FARS2: variants seen among roughly 807,000 people sequenced by gnomAD.
FARS2 encodes the protein phenylalanine--tRNA ligase, mitochondrial.
Under a neutral mutation model 46.4 loss-of-function variants are expected in FARS2, and 40 were observed. The ratio of observed to expected loss-of-function variants is 0.86; its 90% CI spans 0.67 to 1.12. The LOEUF (loss-of-function observed/expected upper bound fraction) is 1.12. Among genes scored for constraint, FARS2 ranks in the 50% most tolerant of loss-of-function variants. The pLI is 0.00. For synonymous variants in FARS2, 234 were observed against 214.9 expected (o/e 1.09, Z -0.78); for missense variants, 513 against 567.9 (o/e 0.90, Z 0.98).
chr6:5,308,641 G>A (rs1185631458), intron 1 of FARS2, among the ~76,000 whole-genome samples: 7 of 152,172 alleles, frequency 4.6e-5, no homozygotes, highest in African/African-American at 1.2e-4. Flanking sequence ...CTTATCATGC[G>A]CTGGTATCAG....
chr6:5,595,355 C>CA (rs1422338856), intron 5 of FARS2, among the ~76,000 whole-genome samples: 2 of 152,170 alleles, frequency 1.3e-5, no homozygotes, highest in African/African-American at 2.4e-5. Context: ...GCTGAACCGC[C>CA]AATCATGTGC....
intron 5 of FARS2, among the ~76,000 whole-genome samples, chr6:5,591,920 T>C (rs954611790): frequency 3.3e-5 from 5 of 152,224 alleles, no homozygotes; most frequent in African/African-American, 7.2e-5. Flanking sequence ...TTACTAATCT[T>C]GTGTGCCTTT....
At chr6:5,598,431 A>G (rs1030775237) in intron 5 of FARS2, among the ~76,000 whole-genome samples, 48 of 152,332 alleles carry the variant, frequency 3.2e-4, no homozygotes, top group African/African-American at 1.2e-3. Flanking sequence ...AAGTAAATAA[A>G]TAAGTGGTCA....
chr6:5,418,316 C>G (rs1329693656), intron 3 of FARS2, among the ~76,000 whole-genome samples: 1 of 152,034 alleles, frequency 6.6e-6, no homozygotes, highest in Non-Finnish European at 1.5e-5. Context: ...TATTTTTTAC[C>G]TTCCTAATAT....
chr6:5,641,548 C>T (rs907411118), intron 6 of FARS2, among the ~76,000 whole-genome samples: 5 of 152,134 alleles, frequency 3.3e-5, no homozygotes, highest in Admixed American at 6.5e-5. Flanking sequence ...CTGCCCACCT[C>T]GCCTTCACAA....
intron 1 of FARS2, among the ~76,000 whole-genome samples, chr6:5,300,349 C>T (rs1342107446): frequency 6.6e-6 from 1 of 152,180 alleles, no homozygotes; most frequent in Admixed American, 6.5e-5. Context: ...TACACAGCTG[C>T]TGATTCAGAG....
intron 4 of FARS2, among the ~76,000 whole-genome samples, chr6:5,460,560 C>T (rs1456404193): frequency 6.6e-6 from 1 of 152,140 alleles, no homozygotes; most frequent in East Asian, 1.9e-4. Flanking sequence ...GCTTTATCTG[C>T]CACTTTGGGA....
intron 1 of FARS2, among the ~76,000 whole-genome samples, chr6:5,285,306 A>C (rs78152573): frequency 0.035 from 5,268 of 152,176 alleles, 107 homozygotes; most frequent in East Asian, 0.1. Context: ...AGGAGTCCAG[A>C]GGGAGAAGGG....
intron 6 of FARS2, among the ~76,000 whole-genome samples, chr6:5,671,845 CA>C (rs1215221087): frequency 6.6e-6 from 1 of 152,174 alleles, no homozygotes; most frequent in African/African-American, 2.4e-5. Context: ...GCTTCTGAGC[CA>C]TCGCTTGTGT....
intron 5 of FARS2, chr6:5,609,229 A>G (rs778111201): frequency 1.0e-5 from 12 of 1,198,516 alleles, no homozygotes; most frequent in Non-Finnish European, 1.5e-5. Context: ...TTTCCTAATT[A>G]AAATCTTCTG....
At chr6:5,355,001 A>T (rs1320406924) in intron 1 of FARS2, among the ~76,000 whole-genome samples, 1 of 152,194 alleles carries the variant, frequency 6.6e-6, no homozygotes, top group African/African-American at 2.4e-5. Context: ...CTACTGTTGT[A>T]TTCAAAATTA....
upstream of FARS2, chr6:5,261,037 C>T (rs1055980891): frequency 1.0e-5 from 9 of 868,924 alleles, no homozygotes; most frequent in Middle Eastern, 5.1e-4. Flanking sequence ...GACCCAGCAG[C>T]CGCTCCACGC....
Position 5,701,527 on chromosome 6 carries a change from C to T in FARS2, c.1218-69764C>T, listed in dbSNP as rs1404303863. Among the ~76,000 whole-genome samples, 6 of 152,246 alleles carry T rather than the reference C, an allele frequency of 3.9e-5. No individual in the cohort carries two copies. The South Asian group carries it at 8.3e-4, about 21-fold the overall frequency. The stretch of plus-strand genomic sequence containing the variant: ...ACACACAACAGTGACATCATCCAGG[C>T]GCAGAATAGATTGTACTGAAACGTC... On this transcript the variant is annotated intron_variant, in intron 6 of 6. Coordinates refer to ENST00000274680, the MANE Select transcript of FARS2 (RefSeq NM_006567.5).
At chr6:5,671,344 T>A (rs1778448366) in intron 6 of FARS2, among the ~76,000 whole-genome samples, 1 of 152,018 alleles carries the variant, frequency 6.6e-6, no homozygotes, top group Non-Finnish European at 1.5e-5. Context: ...GCTGGATGGG[T>A]TTGTTCATGA....
chr6:5,374,301 A>C (rs756784041), intron 2 of FARS2, among the ~76,000 whole-genome samples: 24 of 152,164 alleles, frequency 1.6e-4, no homozygotes, highest in Non-Finnish European at 3.1e-4. Flanking sequence ...AGTCAGTCAA[A>C]AACATTGGCT....
intron 6 of FARS2, among the ~76,000 whole-genome samples, chr6:5,718,677 C>A (rs1418627727): frequency 6.6e-6 from 1 of 152,078 alleles, no homozygotes; most frequent in African/African-American, 2.4e-5. Context: ...CTTTTCCCTC[C>A]CAATTTGCAG....
At chr6:5,651,480 A>G (rs9504477) in intron 6 of FARS2, among the ~76,000 whole-genome samples, 60,511 of 152,024 alleles carry the variant, frequency 0.4, 12,329 homozygotes, top group Non-Finnish European at 0.43. Context: ...TGTTTCCACC[A>G]AAACGAGAAG....
intron 4 of FARS2, among the ~76,000 whole-genome samples, chr6:5,528,857 G>T (rs988623666): frequency 2.0e-5 from 3 of 152,126 alleles, no homozygotes; most frequent in South Asian, 2.1e-4. Context: ...ACTGGAGATC[G>T]ACCAGCCATT....
chr6:5,394,620 C>T (rs1760781402), intron 2 of FARS2, among the ~76,000 whole-genome samples: 1 of 151,932 alleles, frequency 6.6e-6, no homozygotes, highest in African/African-American at 2.4e-5. Context: ...AATCTAAGTA[C>T]CTAATTAGAA....
Sources: allele counts gnomAD v4.1 joint callset (sites outside exome capture counted in the v4.1 genomes callset), GRCh38; gene constraint gnomAD v4.1.1; transcripts MANE v1.5; gene names NCBI Gene and HGNC (gene_info 2026-07-23, HGNC 2026-07-21).